C11orf65: variants seen among roughly 807,000 people sequenced by gnomAD.
C11orf65 encodes the protein chromosome 11 open reading frame 65.
In C11orf65, 38 loss-of-function variants were observed where a neutral mutation model predicts 35.3. The ratio of observed to expected loss-of-function variants is 1.08; its 90% CI spans 0.83 to 1.41. C11orf65 has a LOEUF of 1.41. C11orf65 is among the 40% of genes most tolerant of loss of function. C11orf65 has a pLI of 0.00. For synonymous variants in C11orf65, 105 were observed against 114.4 expected, an observed-to-expected ratio of 0.92 and a Z score of 0.53; for missense variants, 370 against 367.1, an observed-to-expected ratio of 1.01 and a Z score of -0.06.
intron 3 of C11orf65, among the ~76,000 whole-genome samples, chr11:108,410,255 T>C (rs2092630214): frequency 6.6e-6 from 1 of 152,228 alleles, no homozygotes; most frequent in Non-Finnish European, 1.5e-5. Flanking sequence ...GGGGTTATAA[T>C]GGTAGCTCAT....
chr11:108,339,123 GTTGA>G (rs1157134040), intron 2 of C11orf65, among the ~76,000 whole-genome samples: 2 of 152,200 alleles, frequency 1.3e-5, no homozygotes, highest in African/African-American at 4.8e-5. Flanking sequence ...TATTGTGTAT[GTTGA>G]TAGCTCAGAC....
exon 3 of C11orf65, chr11:108,335,223 TGAG>T (rs2086707231): frequency 6.4e-7 from 1 of 1,570,252 alleles, no homozygotes; most frequent in Non-Finnish European, 8.6e-7. Context: ...TACTTACAAA[TGAG>T]GAAGATTTGT....
At chr11:108,434,486 C>T (rs147870061) in intron 2 of C11orf65, among the ~76,000 whole-genome samples, 4 of 148,506 alleles carry the variant, frequency 2.7e-5, no homozygotes, top group African/African-American at 1.0e-4. Flanking sequence ...GCCTGGGTGA[C>T]AGAGGGAGAC....
chr11:108,441,696 T>C lies in C11orf65; in HGVS notation c.82-9858A>G, dbSNP rs545230664. The stretch of plus-strand genomic sequence containing the variant: ...GCTGTTCTGCAGCCTCCGCTGGTGA[T>C]ACCCAGGCAAACAAGGTCTGGAGTG... On this transcript the variant is annotated intron_variant, in intron 2 of 8. Transcript: ENST00000393084. 7.1e-4 allele frequency among the ~76,000 whole-genome samples: 108 copies of C among 152,332 alleles called. 1 individual carries two copies. Among genetic ancestry groups the C allele is most frequent in the African/African-American group, 2.5e-3 (102 of 41,584 alleles).
At chr11:108,370,985 A>G (rs967990858) in intron 2 of C11orf65, among the ~76,000 whole-genome samples, 1 of 152,186 alleles carries the variant, frequency 6.6e-6, no homozygotes, top group African/African-American at 2.4e-5. Context: ...GGAAAATAGG[A>G]AAGATATTAT....
chr11:108,446,593 G>C (rs538904380), intron 2 of C11orf65, among the ~76,000 whole-genome samples: 2 of 152,142 alleles, frequency 1.3e-5, no homozygotes, highest in South Asian at 2.1e-4. Flanking sequence ...GAGACATTTT[G>C]TCACCACCAG....
chr11:108,408,608 G>C, intron 3 of C11orf65, among the ~76,000 whole-genome samples: 1 of 150,516 alleles, frequency 6.6e-6, no homozygotes, highest in Non-Finnish European at 1.5e-5. Context: ...CCAGGGAGGT[G>C]GAGGCTTCAG....
intron 2 of C11orf65, chr11:108,336,213 G>A (rs1169258987): frequency 7.5e-6 from 3 of 400,604 alleles, no homozygotes; most frequent in Middle Eastern, 7.8e-4. Flanking sequence ...GCTGAGGTGG[G>A]AGGATCACTT....
At chr11:108,462,120 T>G (rs1045222023) in intron 1 of C11orf65, among the ~76,000 whole-genome samples, 4 of 152,242 alleles carry the variant, frequency 2.6e-5, no homozygotes, top group Non-Finnish European at 5.9e-5. Context: ...CATAGGTCAC[T>G]GCAGCCTTGA....
intron 6 of C11orf65, among the ~76,000 whole-genome samples, chr11:108,316,927 A>AAAAT (rs1176966677): frequency 6.6e-6 from 1 of 151,694 alleles, no homozygotes; most frequent in Non-Finnish European, 1.5e-5. Context: ...CTCCATCTCA[A>AAAAT]AAATAAATAA....
chr11:108,402,884 C>T (rs1172843875), intron 6 of C11orf65, among the ~76,000 whole-genome samples: 6 of 152,232 alleles, frequency 3.9e-5, no homozygotes, highest in Middle Eastern at 6.8e-3. Context: ...TTTTGAGGTT[C>T]GTCCATGTCA....
Position 108,349,600 on chromosome 11 carries a change from T to C in C11orf65, c.227-14308A>G, listed in dbSNP as rs191230009. ...ATCACTTGAACCCAGGAAGCAGAGG[T>C]TGCAGTGAGCTAAGATCATGCCACT... On this transcript the variant is annotated intron_variant, in intron 2 of 3. Transcript: ENST00000524755. Among the ~76,000 whole-genome samples, 263 of 152,122 alleles carry C rather than the reference T, an allele frequency of 1.7e-3. 1 individual carries two copies. Among genetic ancestry groups the C allele is most frequent in the Non-Finnish European group, 2.7e-3 (184 of 67,984 alleles).
At chr11:108,412,582 T>G (rs189840725) in intron 3 of C11orf65, among the ~76,000 whole-genome samples, 27 of 152,228 alleles carry the variant, frequency 1.8e-4, no homozygotes, top group Non-Finnish European at 2.6e-4. Context: ...CAAAAAATTT[T>G]AAAATTAGCT....
intron 2 of C11orf65, among the ~76,000 whole-genome samples, chr11:108,377,454 T>C (rs1258539631): frequency 6.6e-6 from 1 of 152,124 alleles, no homozygotes; most frequent in Non-Finnish European, 1.5e-5. Context: ...AAACTCTCAA[T>C]AAATTAGGTA....
intron 2 of C11orf65, among the ~76,000 whole-genome samples, chr11:108,460,851 GTGT>G (rs2093465703): frequency 6.6e-6 from 1 of 151,882 alleles, no homozygotes; most frequent in Non-Finnish European, 1.5e-5. Flanking sequence ...TCAGCCTCCC[GTGT>G]AGCTGGGATT....
At chr11:108,401,499 T>C (rs184138130) in intron 6 of C11orf65, among the ~76,000 whole-genome samples, 3 of 152,352 alleles carry the variant, frequency 2.0e-5, no homozygotes, top group Admixed American at 2.0e-4. Flanking sequence ...GCTGTGCAGC[T>C]GCAAGGTCAC....
At position 108,441,765 on chromosome 11, in the gene C11orf65, T is replaced by C. The variant is rs899606545; in HGVS notation, c.82-9927A>G. Among the ~76,000 whole-genome samples, 4 of 152,148 alleles carry C rather than the reference T, an allele frequency of 2.6e-5. No homozygotes were observed. In the East Asian group the frequency reaches 5.8e-4, roughly 22 times the overall value. On this transcript the variant is annotated intron_variant, in intron 2 of 8. Transcript: ENST00000393084. ...ACAGACCTGCAGCTGCGGGTCCTAT[T>C]AGAAGGAAAACTAACAAACAGAAAG... is the stretch of plus-strand genomic sequence containing the variant.
At chr11:108,373,239 CTAAA>C (rs1304480879) in intron 2 of C11orf65, among the ~76,000 whole-genome samples, 3 of 152,116 alleles carry the variant, frequency 2.0e-5, no homozygotes, top group Non-Finnish European at 4.4e-5. Flanking sequence ...ATCAATGTAA[CTAAA>C]TAAACCATAT....
At chr11:108,437,349 G>A (rs1337954360) in intron 2 of C11orf65, among the ~76,000 whole-genome samples, 9 of 152,030 alleles carry the variant, frequency 5.9e-5, no homozygotes, top group Non-Finnish European at 2.9e-5. Context: ...CCATAAGGAA[G>A]CAAATAAGGC....
Sources: gnomAD v4.1 joint callset for allele counts (sites outside exome capture counted in the v4.1 genomes callset) on GRCh38, gnomAD v4.1.1 for gene constraint, MANE v1.5 for transcripts, NCBI Gene and HGNC (gene_info 2026-07-23, HGNC 2026-07-21) for gene names.